LCT: variants seen among roughly 807,000 people sequenced by gnomAD.
The protein encoded by LCT is lactase/phlorizin hydrolase.
A neutral mutation model predicts 173.0 loss-of-function variants in LCT; 90 were observed. That is an observed-to-expected ratio of 0.52 (90% CI 0.44 to 0.62). The LOEUF (loss-of-function observed/expected upper bound fraction) is 0.62, where lower values mean the gene tolerates loss of function less well. Ranked by LOEUF, LCT falls within the 20% of genes least tolerant of loss-of-function variation. The pLI is 0.00. For missense variants in LCT, 1,864 were observed against 2,431.4 expected, an observed-to-expected ratio of 0.77 and a Z score of 4.91; for synonymous variants, 853 against 957.6, an observed-to-expected ratio of 0.89 and a Z score of 2.02.
intron 6 of LCT, among the ~76,000 whole-genome samples, chr2:135,816,700 C>T (rs1290753892): frequency 6.6e-6 from 1 of 152,146 alleles, no homozygotes; most frequent in Admixed American, 6.5e-5. Context: ...GTCAAGAAGA[C>T]TCGGACTCAA....
In LCT at chr2:135,817,451, G is replaced by A. The variant is rs1447178344; in HGVS notation, c.1597C>T (p.Arg533Cys). The change falls in exon 6 of 17, where the codon CGT becomes TGT. Residue 533 changes from arginine to cysteine, a missense_variant. Physicochemically the swap from Arg to Cys is radical, Grantham distance 180 (BLOSUM62 -3). Around this residue, in one of 4 missense-constraint regions of LCT, gnomAD observed 183 missense variants for 293.1 expected, o/e 0.62. Transcript: ENST00000264162. ...TGGAAGGTCACCCACAGCTTCACAC[G>A]GTCCCCAAATGTGGAGAAGCAGAAG... ...AAFCFSTFGD[R>C]VKLWVTFHEP... 1 of 1,614,110 alleles carries A rather than the reference G, an allele frequency of 6.2e-7. No homozygotes were observed. The highest frequency in any genetic ancestry group is 1.7e-5 in the Admixed American group (1 of 60,014).
At chr2:135,795,620 T>C (rs1158399145) in intron 13 of LCT, among the ~76,000 whole-genome samples, 2 of 150,666 alleles carry the variant, frequency 1.3e-5, no homozygotes, top group African/African-American at 4.9e-5. Flanking sequence ...ATAATAATAA[T>C]AATAATAATA....
chr2:135,793,863 G>A (rs1188664323), intron 14 of LCT, among the ~76,000 whole-genome samples: 2 of 151,338 alleles, frequency 1.3e-5, no homozygotes, highest in Non-Finnish European at 2.9e-5. Context: ...GAGGTCAGGA[G>A]ATAGAGACCA....
intron 8 of LCT, 23 bp downstream of exon 8, chr2:135,808,420 A>G (rs747609913): frequency 6.4e-7 from 1 of 1,569,046 alleles, no homozygotes; most frequent in Non-Finnish European, 8.8e-7. Flanking sequence ...GATTTCTTTA[A>G]GGGGAACTGA....
rs2077507155 is a variant in LCT at position 135,788,229 on chromosome 2, G to T, written c.*95C>A. On this transcript the variant is annotated 3_prime_UTR_variant, in exon 17 of 17. Coordinates refer to ENST00000264162, the MANE Select transcript of LCT (RefSeq NM_002299.4). The stretch of plus-strand genomic sequence containing the variant: ...CAGCAGGACTTTATGGAGAAGTCCA[G>T]TATCAGCAGAGTCTAAGACCCTAAG... 6.8e-6 allele frequency: 6 copies of T among 880,584 alleles called. No individual in the cohort carries two copies. The highest frequency in any genetic ancestry group is 1.7e-5 in the Admixed American group (1 of 58,562). 54.5% of individuals were successfully genotyped at this position (880,584 alleles called of 1,614,324 possible).
Position 135,822,044 on chromosome 2 carries a change from C to T in LCT, c.962G>A (p.Ser321Asn). The T allele has an allele frequency of 6.2e-7, 1 of 1,607,900 alleles. No individual in the cohort carries two copies. The highest frequency in any genetic ancestry group is 8.5e-7 in the Non-Finnish European group (1 of 1,174,308). The part of the protein sequence containing the change: ...TIGFDINEFL[S>N]CSSSSKKSMS... Reference sequence around the variant, plus strand: ...CCTTTTCTTGGAACTTGATGAACAACTCAGAAACTCATTAATATCAAACCC... The same window carrying T: ...CCTTTTCTTGGAACTTGATGAACAATTCAGAAACTCATTAATATCAAACCC... The change falls in exon 5 of 17, where the codon AGT becomes AAT. Residue 321 changes from serine (S) to asparagine (N), a missense_variant. By Grantham distance (46) the Ser-to-Asn change is conservative (BLOSUM62 1). Coordinates refer to ENST00000264162, the MANE Select transcript of LCT (RefSeq NM_002299.4).
At chr2:135,795,031 C>A (rs974150036) in intron 13 of LCT, among the ~76,000 whole-genome samples, 2 of 79,248 alleles carry the variant, frequency 2.5e-5, no homozygotes, top group Non-Finnish European at 4.9e-5. Context: ...ACACACGCAC[C>A]CACGCGCGCG....
rs370474337 is a variant in LCT, at chr2:135,828,141, C to T, written c.804+1452G>A. On this transcript the variant is annotated intron_variant, in intron 3 of 16. Transcript: ENST00000264162. ...CCAGGTTCAAGTGATTCTCCTGCCT[C>T]CACCTCCCAAGTAGCTGAGACTACA... 2.0e-4 allele frequency among the ~76,000 whole-genome samples: 30 copies of T among 152,296 alleles called. No homozygotes were observed. In the East Asian group the frequency reaches 5.8e-3, roughly 29 times the overall value.
At position 135,809,996 on chromosome 2, in the gene LCT, G is replaced by A; in HGVS notation, c.2354-3C>T. 6.3e-7 allele frequency: 1 copy of A among 1,574,816 alleles called. No homozygotes were observed. Among genetic ancestry groups the A allele is most frequent in the Non-Finnish European group, 8.7e-7 (1 of 1,144,946 alleles). ...ATCCACAGAGTCTTCCTTGATAGCT[G>A]TGAAGAAAAATAAAAATTAGATTTA... On this transcript the variant is annotated splice_region_variant and splice_polypyrimidine_tract_variant and intron_variant, in intron 7 of 16. Coordinates refer to ENST00000264162, the MANE Select transcript of LCT (RefSeq NM_002299.4). This position sits in a 1 kb window ranked among gnomAD's most constrained non-coding sequence, Gnocchi z 5.5.
At chr2:135,832,577 A>G (rs1302899842) in intron 2 of LCT, among the ~76,000 whole-genome samples, 1 of 151,384 alleles carries the variant, frequency 6.6e-6, no homozygotes, top group Non-Finnish European at 1.5e-5. Flanking sequence ...CTTGACCTCC[A>G]GGGCTCAAGC....
At position 135,790,765 on chromosome 2, in the gene LCT, G is replaced by A; in HGVS notation, c.5228C>T (p.Pro1743Leu). ...LNWLKEEYND[P>L]PIYVTENGVS... ...TCCATTCTCTGTGACATAAATTGGA[G>A]GGTCATTGTATTCCTCCTTTAACCA... The change falls in exon 15 of 17, where the codon CCT (proline) becomes CTT (leucine). Residue 1743 changes from proline to leucine, a missense_variant. This residue lies in a region of LCT where 514 missense variants were observed against 750.1 expected (regional missense o/e 0.69). Transcript: ENST00000264162. The surrounding 1 kb of genome is among the most constrained non-coding windows in gnomAD (Gnocchi z 4.1). 1 of 1,613,800 alleles carries A rather than the reference G, an allele frequency of 6.2e-7. No individual in the cohort carries two copies.
Position 135,812,941 on chromosome 2 carries a change from G to A in LCT, c.1723C>T (p.Leu575Phe), listed in dbSNP as rs765760788. 6.2e-7 allele frequency: 1 copy of A among 1,614,150 alleles called. No individual in the cohort carries two copies. The highest frequency in any genetic ancestry group is 8.5e-7 in the Non-Finnish European group (1 of 1,180,024). ...TGCCAAGTTCTGGCATGAGCCTTGA[G>A]GACCAAGTGAGCCACCTTGTGAAAA... ...VASFKVAHLV[L>F]KAHARTWHHY... Residue 575 changes from leucine to phenylalanine, a missense_variant, in exon 7 of 17, where the codon CTC becomes TTC. Around this residue, in one of 4 missense-constraint regions of LCT, gnomAD observed 183 missense variants for 293.1 expected, o/e 0.62. Coordinates refer to ENST00000264162, the MANE Select transcript of LCT (RefSeq NM_002299.4).
At chr2:135,825,331 G>A (rs1039599987) in intron 3 of LCT, among the ~76,000 whole-genome samples, 1 of 152,190 alleles carries the variant, frequency 6.6e-6, no homozygotes, top group South Asian at 2.1e-4. Context: ...GAGGCCGAGC[G>A]GGTTGCCCAT....
At position 135,787,928 on chromosome 2, in the gene LCT, T is replaced by C; in HGVS notation, c.*396A>G. 1 of 245,494 alleles carries C rather than the reference T, an allele frequency of 4.1e-6. No homozygotes were observed. The allele number at this position is 245,494 out of a possible 1,614,324, so 15.2% of individuals were successfully genotyped here. On this transcript the variant is annotated 3_prime_UTR_variant, in exon 17 of 17. Coordinates refer to ENST00000264162, the MANE Select transcript of LCT (RefSeq NM_002299.4). ...GCTTGCAGAAGGGCAGGAGATGATA[T>C]TGCAGTCTATGCAATGGAGTTGATT...
At chr2:135,824,812 G>C (rs542784570) in intron 3 of LCT, among the ~76,000 whole-genome samples, 1 of 152,026 alleles carries the variant, frequency 6.6e-6, no homozygotes, top group Admixed American at 6.5e-5. Context: ...AGACCAGCCT[G>C]ATCAACATGG....
Position 135,808,754 on chromosome 2 carries a change from C to G in LCT, c.3593G>C (p.Arg1198Thr). 1 of 1,614,150 alleles carries G rather than the reference C, an allele frequency of 6.2e-7. No homozygotes were observed. Among genetic ancestry groups the G allele is most frequent in the Non-Finnish European group, 8.5e-7 (1 of 1,179,988 alleles). ...GAGGCAGAAGACGTCGGCCGTCGCC[C>G]TGATGAACCTCTTCTCTTCCTCAGT... ...SFTEEEKRFI[R>T]ATADVFCLNT... Residue 1198 changes from arginine (R) to threonine (T), a missense_variant, in exon 8 of 17, where the codon AGG (arginine) becomes ACG (threonine). Arg to Thr is a moderately conservative substitution (Grantham distance 71, BLOSUM62 -1). Coordinates refer to ENST00000264162, the MANE Select transcript of LCT (RefSeq NM_002299.4).
intron 14 of LCT, among the ~76,000 whole-genome samples, chr2:135,793,767 T>G (rs887358576): frequency 6.6e-6 from 1 of 151,836 alleles, no homozygotes; most frequent in South Asian, 2.1e-4. Context: ...TAAATAGATA[T>G]CATAAAGAAA....
rs1679423301 is a variant in LCT at position 135,837,092 on chromosome 2, T to C, written c.78A>G (p.Arg26=). 1.2e-6 allele frequency: 2 copies of C among 1,613,928 alleles called. No individual in the cohort carries two copies. Among genetic ancestry groups the C allele is most frequent in the South Asian group, 2.2e-5 (2 of 91,066 alleles). Residue 26 remains arginine, a synonymous_variant, in exon 1 of 17, where the codon AGA becomes AGG. Transcript: ENST00000264162. ...SCWGSDWESD[R]NFISTAGPLT... Reference sequence around the variant, plus strand: ...GAGGACCAGCGGTGGAAATGAAATTTCTATCAGACTCCCAGTCTGACCCCC... The same window carrying C: ...GAGGACCAGCGGTGGAAATGAAATTCCTATCAGACTCCCAGTCTGACCCCC...
chr2:135,835,945 T>G (rs1679335137), intron 1 of LCT, among the ~76,000 whole-genome samples: 1 of 142,028 alleles, frequency 7.0e-6, no homozygotes, highest in Non-Finnish European at 1.5e-5. Flanking sequence ...AACTCAAGAC[T>G]GGGCAAGGGG....
Sources: gnomAD v4.1 joint callset for allele counts (sites outside exome capture counted in the v4.1 genomes callset) on GRCh38, gnomAD v4.1.1 for gene constraint, gnomAD v4.1.1 regional missense constraint, Gnocchi (gnomAD v3.1) non-coding constraint, MANE v1.5 for transcripts, NCBI Gene and HGNC (gene_info 2026-07-23, HGNC 2026-07-21) for gene names.